PRDM16: variants seen among roughly 807,000 people sequenced by gnomAD.
The protein encoded by PRDM16 is PR/SET domain 16.
A neutral mutation model predicts 110.6 loss-of-function variants in PRDM16; 23 were observed. The ratio of observed to expected loss-of-function variants is 0.21; its 90% confidence interval spans 0.15 to 0.29. PRDM16 has a LOEUF of 0.29. Among genes scored for constraint, PRDM16 ranks in the 10% least tolerant of loss-of-function variants. The probability of loss-of-function intolerance (pLI) is 1.00; values close to 1 mark genes in which losing one functional copy is unlikely to be tolerated. For missense variants in PRDM16, 1,615 were observed against 1,794.3 expected (o/e 0.90, Z 1.81); for synonymous variants, 799 against 781.8 (o/e 1.02, Z -0.37).
In PRDM16 at chr1:3,069,830, C is replaced by T. The variant is rs1641703883; in HGVS notation, c.37+534C>T. Among the ~76,000 whole-genome samples the T allele has an allele frequency of 6.6e-6, 1 of 151,678 alleles. No homozygotes were observed. The highest frequency in any genetic ancestry group is 2.1e-4 in the South Asian group (1 of 4,812). On this transcript the variant is annotated intron_variant, in intron 1 of 16. Transcript: ENST00000270722. The surrounding 1 kb of genome is among the most constrained non-coding windows in gnomAD (Gnocchi z 6.1). ...CAGCCGGGCGCAGAGGAGGGAGACC[C>T]CGAGCCGGGGAGGGGCGGAGGAGGG...
chr1:3,147,462 G>A (rs1179820934), intron 1 of PRDM16, among the ~76,000 whole-genome samples: 5 of 152,080 alleles, frequency 3.3e-5, no homozygotes, highest in Admixed American at 2.6e-4. Flanking sequence ...TGTGCTGTCC[G>A]CCTGTGCTGA....
intron 1 of PRDM16, among the ~76,000 whole-genome samples, chr1:3,158,170 A>G (rs912275893): frequency 6.6e-6 from 1 of 152,168 alleles, no homozygotes; most frequent in East Asian, 1.9e-4. Context: ...GCTTGCCACC[A>G]TCCCCGTAAC....
chr1:3,174,389 G>A (rs1253514104), intron 1 of PRDM16, among the ~76,000 whole-genome samples: 2 of 152,140 alleles, frequency 1.3e-5, no homozygotes, highest in Non-Finnish European at 2.9e-5. Flanking sequence ...CACCTTTTGG[G>A]GTGACATCAT....
intron 5 of PRDM16, among the ~76,000 whole-genome samples, chr1:3,399,229 A>C (rs1643430033): frequency 6.6e-6 from 1 of 152,226 alleles, no homozygotes; most frequent in South Asian, 2.1e-4. Flanking sequence ...TCCTCTCTCC[A>C]AAAGAGGTCA....
chr1:3,428,785 G>A lies in PRDM16; in HGVS notation c.3285-2087G>A, dbSNP rs560709281. On this transcript the variant is annotated intron_variant, in intron 14 of 16. Coordinates refer to ENST00000270722, the MANE Select transcript of PRDM16 (RefSeq NM_022114.4). Reference sequence around the variant, plus strand: ...TTCCCAGGTGGAAGTCCCAGCCCCCGGTACCTCAGAATGGGACTCTCTTAG... The same window carrying A: ...TTCCCAGGTGGAAGTCCCAGCCCCCAGTACCTCAGAATGGGACTCTCTTAG... Among the ~76,000 whole-genome samples, 13 of 130,222 alleles carry A rather than the reference G, an allele frequency of 1.0e-4. No homozygotes were observed. In the South Asian group the frequency reaches 1.7e-3, roughly 17 times the overall value. 85.4% of individuals were successfully genotyped at this position (130,222 alleles called of 152,430 possible). A position where few individuals can be genotyped will look rare whatever the true frequency, so the allele number is the denominator to read the frequency against.
intron 1 of PRDM16, among the ~76,000 whole-genome samples, chr1:3,180,893 C>T (rs1479154945): frequency 6.6e-6 from 1 of 150,996 alleles, no homozygotes; most frequent in African/African-American, 2.5e-5. Flanking sequence ...TACACACGGC[C>T]TCACACACGC....
chr1:3,075,789 T>C (rs1023332567), intron 1 of PRDM16, among the ~76,000 whole-genome samples: 4 of 152,140 alleles, frequency 2.6e-5, no homozygotes, highest in African/African-American at 9.7e-5. Context: ...ACGAACCCGG[T>C]GAGGAGGGGT....
intron 1 of PRDM16, among the ~76,000 whole-genome samples, chr1:3,077,474 C>T (rs1038761860): frequency 6.6e-6 from 1 of 152,228 alleles, no homozygotes; most frequent in Non-Finnish European, 1.5e-5. Context: ...TGAAGTGCTG[C>T]GATGTGTGCA....
At chr1:3,275,531 G>A (rs550606021) in intron 3 of PRDM16, among the ~76,000 whole-genome samples, 5 of 152,164 alleles carry the variant, frequency 3.3e-5, no homozygotes, top group South Asian at 2.1e-4. Flanking sequence ...GGCATGCCCC[G>A]AGGTGGGGGG....
intron 3 of PRDM16, among the ~76,000 whole-genome samples, chr1:3,251,666 G>A (rs1639935575): frequency 6.6e-6 from 1 of 152,186 alleles, no homozygotes; most frequent in Non-Finnish European, 1.5e-5. Flanking sequence ...AACTCCCACA[G>A]CAGGGTGCAA....
chr1:3,182,943 C>T (rs1028006636), intron 1 of PRDM16, among the ~76,000 whole-genome samples: 1 of 152,204 alleles, frequency 6.6e-6, no homozygotes, highest in Non-Finnish European at 1.5e-5. Context: ...TCCCCACTCC[C>T]CTCCTTGCTT....
At chr1:3,103,389 C>A (rs1642575804) in intron 1 of PRDM16, among the ~76,000 whole-genome samples, 2 of 152,216 alleles carry the variant, frequency 1.3e-5, no homozygotes, top group Admixed American at 6.5e-5. Flanking sequence ...CCTCCCTTTA[C>A]CTTAGTCGTC....
chr1:3,184,373 C>T (rs1471576428), intron 1 of PRDM16, among the ~76,000 whole-genome samples: 1 of 151,682 alleles, frequency 6.6e-6, no homozygotes, highest in African/African-American at 2.4e-5. Flanking sequence ...CTTCTGTTTC[C>T]GCAGCCAACG....
At chr1:3,181,488 A>G (rs77999053) in intron 1 of PRDM16, among the ~76,000 whole-genome samples, 2,309 of 11,942 alleles carry the variant, frequency 0.19, 881 homozygotes, top group Non-Finnish European at 0.33. Flanking sequence ...TCTTACACAC[A>G]GCCTTACGCA....
At chr1:3,091,375 C>G (rs1275585326) in intron 1 of PRDM16, among the ~76,000 whole-genome samples, 2 of 152,178 alleles carry the variant, frequency 1.3e-5, no homozygotes, top group African/African-American at 4.8e-5. Flanking sequence ...ACCGAGACGA[C>G]AGCATCTCTT....
intron 3 of PRDM16, among the ~76,000 whole-genome samples, chr1:3,271,096 G>T (rs1488030459): frequency 6.6e-6 from 1 of 152,216 alleles, no homozygotes; most frequent in East Asian, 1.9e-4. Context: ...TGCATGCAGG[G>T]GATATGCGGT....
intron 1 of PRDM16, among the ~76,000 whole-genome samples, chr1:3,096,457 C>T (rs1440316536): frequency 6.6e-6 from 1 of 152,190 alleles, no homozygotes; most frequent in Non-Finnish European, 1.5e-5. Context: ...GGCGACTGGG[C>T]CTGAATGCAG....
chr1:3,221,590 C>T (rs1225155463), intron 2 of PRDM16, among the ~76,000 whole-genome samples: 3 of 152,212 alleles, frequency 2.0e-5, no homozygotes, highest in East Asian at 3.9e-4. Flanking sequence ...TCATGCACTG[C>T]GCTTGCTTGG....
intron 1 of PRDM16, among the ~76,000 whole-genome samples, chr1:3,159,675 G>A (rs1272940000): frequency 1.3e-5 from 2 of 152,224 alleles, no homozygotes; most frequent in African/African-American, 4.8e-5. Flanking sequence ...GTGGGCCAGT[G>A]TGTAGGAGGA....
Sources: gnomAD v4.1 joint callset for allele counts (sites outside exome capture counted in the v4.1 genomes callset) on GRCh38, gnomAD v4.1.1 for gene constraint, Gnocchi (gnomAD v3.1) non-coding constraint, MANE v1.5 for transcripts, NCBI Gene and HGNC (gene_info 2026-07-23, HGNC 2026-07-21) for gene names.